RFTN2: variants seen among roughly 807,000 people sequenced by gnomAD.
RFTN2 encodes raftlin-2.
RFTN2 carries 34 observed loss-of-function variants against 52.7 expected under a neutral mutation model. That is an observed-to-expected ratio of 0.64 (90% CI 0.49 to 0.86). RFTN2 has a LOEUF of 0.86. Among genes scored for constraint, RFTN2 ranks in the 40% least tolerant of loss-of-function variants. The probability of loss-of-function intolerance (pLI) is 0.00; values close to 1 mark genes in which losing one functional copy is unlikely to be tolerated. For missense variants in RFTN2, 536 were observed against 600.1 expected, an observed-to-expected ratio of 0.89 and a Z score of 1.12; for synonymous variants, 203 against 217.7, an observed-to-expected ratio of 0.93 and a Z score of 0.59.
chr2:197,579,735 C>T (rs563166393), intron 8 of RFTN2, among the ~76,000 whole-genome samples: 28 of 152,126 alleles, frequency 1.8e-4, no homozygotes, highest in African/African-American at 2.4e-4. Context: ...TCTCTTCTAC[C>T]GACCCATCTG....
intron 1 of RFTN2, among the ~76,000 whole-genome samples, chr2:197,664,475 C>CA (rs60640814): frequency 5.9e-4 from 85 of 143,426 alleles, no homozygotes; most frequent in Admixed American, 1.3e-3. Context: ...GACCCCATCT[C>CA]AAAAAAAAAA....
intron 8 of RFTN2, among the ~76,000 whole-genome samples, chr2:197,590,126 C>A (rs138936910): frequency 0.013 from 2,003 of 151,826 alleles, 47 homozygotes; most frequent in African/African-American, 0.042. Flanking sequence ...GCTGGTCTCA[C>A]ACTCCTGGAT....
At chr2:197,605,739 C>T (rs1388899608) in intron 7 of RFTN2, among the ~76,000 whole-genome samples, 4 of 152,102 alleles carry the variant, frequency 2.6e-5, no homozygotes, top group Non-Finnish European at 5.9e-5. Flanking sequence ...TCTCAGAATC[C>T]TTATTGCAGC....
intron 8 of RFTN2, among the ~76,000 whole-genome samples, chr2:197,573,370 A>G (rs566286032): frequency 6.2e-4 from 94 of 152,328 alleles, no homozygotes; most frequent in African/African-American, 2.2e-3. Flanking sequence ...ATGTTTTAGC[A>G]AAGAGACTGG....
rs1472350360 is a variant in RFTN2, at chr2:197,606,646, A to C, written c.1154+9230T>G. On this transcript the variant is annotated intron_variant, in intron 7 of 8. Transcript: ENST00000295049. ...ACAAATTTACAAGAAAAAAACAAAC[A>C]ACCCCATCAAAAAGTGGGCGAAGGA... is the stretch of plus-strand genomic sequence containing the variant. 7.9e-5 allele frequency among the ~76,000 whole-genome samples: 12 copies of C among 151,670 alleles called. 1 individual carries two copies. Among genetic ancestry groups the C allele is most frequent in the Admixed American group, 7.9e-4 (12 of 15,194 alleles).
intron 1 of RFTN2, among the ~76,000 whole-genome samples, chr2:197,664,294 A>G (rs2089019955): frequency 6.7e-6 from 1 of 150,226 alleles, no homozygotes. Context: ...GCAACATGGC[A>G]AAACCCAGTC....
chr2:197,619,212 C>T (rs1410338434), intron 5 of RFTN2, among the ~76,000 whole-genome samples: 2 of 152,108 alleles, frequency 1.3e-5, no homozygotes, highest in African/African-American at 2.4e-5. Flanking sequence ...AGGAGCCCCT[C>T]TGCCCGGCCA....
At chr2:197,601,950 C>T (rs1404523788) in intron 7 of RFTN2, among the ~76,000 whole-genome samples, 1 of 152,090 alleles carries the variant, frequency 6.6e-6, no homozygotes. Context: ...CCTTAAAATT[C>T]CCCCAAATGA....
intron 7 of RFTN2, among the ~76,000 whole-genome samples, chr2:197,605,893 C>T (rs762413685): frequency 1.5e-4 from 23 of 152,092 alleles, no homozygotes; most frequent in African/African-American, 4.3e-4. Context: ...ATCACGGTGC[C>T]CCCTCAGACA....
At chr2:197,590,650 C>T (rs887338233) in intron 8 of RFTN2, among the ~76,000 whole-genome samples, 5 of 152,116 alleles carry the variant, frequency 3.3e-5, no homozygotes, top group African/African-American at 9.7e-5. Flanking sequence ...GGAGTTTGCT[C>T]CTTCTGGTGT....
chr2:197,602,600 G>A (rs1232895686), intron 7 of RFTN2, among the ~76,000 whole-genome samples: 3 of 151,450 alleles, frequency 2.0e-5, no homozygotes, highest in African/African-American at 7.3e-5. Flanking sequence ...GTGCAGTGAC[G>A]TGATCTTGGC....
intron 7 of RFTN2, among the ~76,000 whole-genome samples, chr2:197,598,446 A>C (rs1423520814): frequency 1.3e-5 from 2 of 152,234 alleles, no homozygotes; most frequent in Non-Finnish European, 2.9e-5. Flanking sequence ...TGAAAGAACC[A>C]GGTCTGGAAC....
rs2088839584 is a variant in RFTN2 at position 197,652,525 on chromosome 2, A to G, written c.140-5859T>C. ...TTCACTTAATTTCCTTTTCTTATGT[A>G]TGTAAGAGAGATATATAATGAAATA... On this transcript the variant is annotated intron_variant, in intron 1 of 8. Transcript: ENST00000295049. 3.9e-5 allele frequency among the ~76,000 whole-genome samples: 6 copies of G among 152,324 alleles called. No individual in the cohort carries two copies. The South Asian group carries it at 1.2e-3, about 32-fold the overall frequency.
chr2:197,636,601 C>T (rs1385082721), intron 3 of RFTN2, among the ~76,000 whole-genome samples: 1 of 121,730 alleles, frequency 8.2e-6, no homozygotes, highest in African/African-American at 3.3e-5. Flanking sequence ...TATCCTGAGA[C>T]TTTGCTGAAG....
rs770445738 is a variant in RFTN2 at position 197,615,907 on chromosome 2, C to T, written c.1123G>A (p.Val375Met). 5.8e-6 allele frequency: 9 copies of T among 1,557,300 alleles called. No homozygotes were observed. Among genetic ancestry groups the T allele is most frequent in the Admixed American group, 1.9e-5 (1 of 52,186 alleles). ...LAEFGWLLTS[V>M]LPTPVLRHDS... ...TGTCTCAATACAGGTGTGGGCAACA[C>T]GCTTGTCAGAAGCCATCCGAATTCA... The change falls in exon 7 of 9, where the codon GTG (valine) becomes ATG (methionine). Residue 375 changes from valine to methionine, a missense_variant. Coordinates refer to ENST00000295049, the MANE Select transcript of RFTN2 (RefSeq NM_144629.3).
At position 197,586,920 on chromosome 2, in the gene RFTN2, T is replaced by TA. The variant is rs572078054; in HGVS notation, c.1233+9070dup. On this transcript the variant is annotated intron_variant, in intron 8 of 8. Coordinates refer to ENST00000295049, the MANE Select transcript of RFTN2 (RefSeq NM_144629.3). ...CAATCTGGCCTGGTGTAAGACAACA[T>TA]AAAAAAACTCAAGGATAGAGCACCA... 4.6e-4 allele frequency among the ~76,000 whole-genome samples: 70 copies of TA among 152,174 alleles called. 1 individual carries two copies. Among genetic ancestry groups the TA allele is most frequent in the Admixed American group, 4.2e-3 (64 of 15,280 alleles).
At chr2:197,654,767 G>A (rs1358846208) in intron 1 of RFTN2, among the ~76,000 whole-genome samples, 1 of 152,158 alleles carries the variant, frequency 6.6e-6, no homozygotes, top group Non-Finnish European at 1.5e-5. Context: ...GGAGGCCGCG[G>A]TGGGAGGATC....
intron 7 of RFTN2, among the ~76,000 whole-genome samples, chr2:197,602,387 A>G (rs1164554493): frequency 6.6e-6 from 1 of 152,126 alleles, no homozygotes; most frequent in African/African-American, 2.4e-5. Context: ...TAAATTAAAA[A>G]AATTTTTTTG....
intron 7 of RFTN2, among the ~76,000 whole-genome samples, chr2:197,599,195 TC>T (rs2087841884): frequency 6.6e-6 from 1 of 152,160 alleles, no homozygotes; most frequent in East Asian, 1.9e-4. Flanking sequence ...CACCTCGGCC[TC>T]CCAAAGTGCT....
Sources: gnomAD v4.1 joint callset for allele counts (sites outside exome capture counted in the v4.1 genomes callset) on GRCh38, gnomAD v4.1.1 for gene constraint, MANE v1.5 for transcripts, NCBI Gene and HGNC (gene_info 2026-07-23, HGNC 2026-07-21) for gene names.